Variants in WWOX observed in about 807,000 individuals in gnomAD.
WWOX encodes the protein WW domain-containing oxidoreductase.
A neutral mutation model predicts 46.2 loss-of-function variants in WWOX; 69 were observed. The ratio of observed to expected loss-of-function variants is 1.49; its 90% confidence interval spans 1.23 to 1.82. The LOEUF (loss-of-function observed/expected upper bound fraction) is 1.82, where lower values mean the gene tolerates loss of function less well. Ranked by LOEUF, WWOX falls within the 40% of genes most tolerant of loss-of-function variation. WWOX has a pLI of 0.00. For synonymous variants in WWOX, 359 were observed against 202.6 expected (o/e 1.77, Z -6.56); for missense variants, 919 against 542.6 (o/e 1.69, Z -6.89).
rs545916042 is a variant in WWOX at position 78,792,174 on chromosome 16, G to A, written c.1056+359422G>A. 1.7e-4 allele frequency among the ~76,000 whole-genome samples: 26 copies of A among 152,146 alleles called. No homozygotes were observed. The South Asian group carries it at 5.4e-3, about 32-fold the overall frequency. On this transcript the variant is annotated intron_variant, in intron 8 of 8. Coordinates refer to ENST00000566780, the MANE Select transcript of WWOX (RefSeq NM_016373.4). The stretch of plus-strand genomic sequence containing the variant: ...CAGTGGCCCGCAGCAATAAACATTC[G>A]ATTCTCGCCATCTCTGGGTTTGAGG...
chr16:78,897,123 G>A (rs12449222), intron 8 of WWOX: 51,947 of 149,904 alleles, frequency 0.35, 10,139 homozygotes, highest in Middle Eastern at 0.58. Context: ...TGTGACATAT[G>A]CCTGTAACCG....
chr16:78,538,004 G>A (rs181926360), intron 8 of WWOX, among the ~76,000 whole-genome samples: 4 of 151,974 alleles, frequency 2.6e-5, no homozygotes, highest in African/African-American at 7.3e-5. Flanking sequence ...TCTTGAAAAC[G>A]GAAAAGATGA....
intron 8 of WWOX, among the ~76,000 whole-genome samples, chr16:79,172,983 T>A (rs1002864413): frequency 1.3e-5 from 2 of 152,212 alleles, no homozygotes. Context: ...ATGGTGCCAC[T>A]GCACTCCAGG....
At chr16:78,825,815 T>A in intron 8 of WWOX, 1 of 593,476 alleles carries the variant, frequency 1.7e-6, no homozygotes, top group Non-Finnish European at 3.1e-6. Context: ...CAGATAGGGT[T>A]TTCTGGGCAT....
chr16:78,864,758 T>C lies in WWOX; in HGVS notation c.1057-346850T>C, dbSNP rs1382600840. On this transcript the variant is annotated intron_variant, in intron 8 of 8. Coordinates refer to ENST00000566780, the MANE Select transcript of WWOX (RefSeq NM_016373.4). The stretch of plus-strand genomic sequence containing the variant: ...GTGGCTATTTTTCTCCAACTCCTTT[T>C]TTTTTTTTTTTTTTTTTTTTTTTTG... Among the ~76,000 whole-genome samples, 5 of 69,862 alleles carry C rather than the reference T, an allele frequency of 7.2e-5. No individual in the cohort carries two copies. The East Asian group carries it at 1.6e-3, about 23-fold the overall frequency. The allele number at this position is 69,862 out of a possible 152,430, so 45.8% of individuals were successfully genotyped here. A position where few individuals can be genotyped will look rare whatever the true frequency, so the allele number is the denominator to read the frequency against.
At chr16:78,868,677 A>C (rs568254708) in intron 8 of WWOX, among the ~76,000 whole-genome samples, 5 of 152,258 alleles carry the variant, frequency 3.3e-5, no homozygotes, top group African/African-American at 1.2e-4. Context: ...AGCAAGAGTC[A>C]CTCTGAGATT....
intron 8 of WWOX, among the ~76,000 whole-genome samples, chr16:78,618,891 T>A (rs1349386992): frequency 2.6e-5 from 4 of 151,370 alleles, no homozygotes. Flanking sequence ...AGCATGGATC[T>A]TCTCCAAGTA....
At chr16:78,110,845 C>A (rs1191177889) in intron 3 of WWOX, among the ~76,000 whole-genome samples, 3 of 152,152 alleles carry the variant, frequency 2.0e-5, no homozygotes, top group Non-Finnish European at 2.9e-5. Flanking sequence ...AGTAGCACAG[C>A]CAGGCTTTGA....
In WWOX at chr16:78,614,832, C is replaced by T. The variant is rs567905050; in HGVS notation, c.1056+182080C>T. On this transcript the variant is annotated intron_variant, in intron 8 of 8. Transcript: ENST00000566780. Reference sequence around the variant, plus strand: ...TAACTTCTGGAATGCATGTGCAGAACGTGCAGGCTTGTTACATAGGTATAC... The same window carrying T: ...TAACTTCTGGAATGCATGTGCAGAATGTGCAGGCTTGTTACATAGGTATAC... 5.3e-5 allele frequency among the ~76,000 whole-genome samples: 8 copies of T among 152,296 alleles called. No individual in the cohort carries two copies. In the South Asian group the frequency reaches 1.0e-3, roughly 20 times the overall value.
chr16:78,862,595 A>G (rs980480960), intron 8 of WWOX, among the ~76,000 whole-genome samples: 1 of 152,124 alleles, frequency 6.6e-6, no homozygotes, highest in East Asian at 1.9e-4. Flanking sequence ...AGGACAACCA[A>G]TGGTACAGTT....
chr16:78,533,508 G>T (rs1010483871), intron 8 of WWOX, among the ~76,000 whole-genome samples: 1 of 152,086 alleles, frequency 6.6e-6, no homozygotes, highest in Non-Finnish European at 1.5e-5. Context: ...GCCGCATGTG[G>T]CCCACCAGCT....
chr16:78,159,746 G>A (rs557541853), intron 4 of WWOX, among the ~76,000 whole-genome samples: 3 of 127,728 alleles, frequency 2.3e-5, no homozygotes, highest in African/African-American at 8.7e-5. Context: ...AACACTATCA[G>A]TTATGAGGTT....
At chr16:79,029,241 C>T (rs1012713545) in intron 8 of WWOX, among the ~76,000 whole-genome samples, 2 of 152,170 alleles carry the variant, frequency 1.3e-5, no homozygotes, top group South Asian at 2.1e-4. Context: ...TGGGCCTACT[C>T]AGTTCCACGT....
At chr16:79,141,780 C>T (rs1013533670) in intron 8 of WWOX, among the ~76,000 whole-genome samples, 4 of 152,018 alleles carry the variant, frequency 2.6e-5, no homozygotes, top group African/African-American at 4.8e-5. Context: ...CTCTCCATTG[C>T]TTCTTGGTGT....
chr16:78,847,007 G>T (rs2052315368), intron 8 of WWOX, among the ~76,000 whole-genome samples: 1 of 152,232 alleles, frequency 6.6e-6, no homozygotes, highest in East Asian at 1.9e-4. Context: ...TGGCCCATAG[G>T]AGGTCTTTCG....
chr16:78,424,854 A>G lies in WWOX; in HGVS notation c.606-16A>G, dbSNP rs139257288. 1.2e-5 allele frequency: 20 copies of G among 1,613,896 alleles called. No individual in the cohort carries two copies. In the East Asian group the frequency reaches 4.0e-4, roughly 32 times the overall value. On this transcript the variant is annotated splice_polypyrimidine_tract_variant and intron_variant, in intron 6 of 8. Coordinates refer to ENST00000566780, the MANE Select transcript of WWOX (RefSeq NM_016373.4). ...AGTGTTTATGTCCACATCACATGGG[A>G]TATTTTATTTTTCAGGCCTCTTCAT...
At chr16:78,406,412 G>C (rs1216002118) in intron 6 of WWOX, among the ~76,000 whole-genome samples, 2 of 143,820 alleles carry the variant, frequency 1.4e-5, no homozygotes, top group Admixed American at 7.3e-5. Context: ...GAGTGCAGTG[G>C]TGCAATCTCG....
Position 78,115,094 on chromosome 16 carries a change from C to A in WWOX, c.349C>A (p.Leu117Ile), listed in dbSNP as rs1397160477. The A allele has an allele frequency of 1.2e-6, 2 of 1,614,070 alleles. No homozygotes were observed. The highest frequency in any genetic ancestry group is 2.2e-5 in the South Asian group (2 of 91,080). Residue 117 changes from leucine to isoleucine, a missense_variant, in exon 4 of 9, where the codon CTC becomes ATC. Physicochemically the swap from Leu to Ile is conservative, Grantham distance 5 (BLOSUM62 2). Transcript: ENST00000566780. ...YDGSTTAMEILQGRDFTGKVV... is the reference protein window; with the variant it reads ...YDGSTTAMEIIQGRDFTGKVV... ...CGGCAGCACCACTGCCATGGAAATTCTCCAGGGCCGGGATTTCACTGGCAA... is the reference window on the plus strand; with the variant it reads ...CGGCAGCACCACTGCCATGGAAATTATCCAGGGCCGGGATTTCACTGGCAA...
intron 8 of WWOX, among the ~76,000 whole-genome samples, chr16:78,715,022 C>A (rs150301524): frequency 5.5e-4 from 83 of 152,206 alleles, no homozygotes; most frequent in African/African-American, 1.9e-3. Context: ...TGTGGTGGCT[C>A]ATAATCCCAG....
Sources: allele counts gnomAD v4.1 joint callset (sites outside exome capture counted in the v4.1 genomes callset), GRCh38; gene constraint gnomAD v4.1.1; transcripts MANE v1.5; gene names NCBI Gene and HGNC (gene_info 2026-07-23, HGNC 2026-07-21).